CCDC6: variants seen among roughly 807,000 people sequenced by gnomAD.
The protein encoded by CCDC6 is coiled-coil domain-containing protein 6.
In CCDC6, 20 loss-of-function variants were observed where a neutral mutation model predicts 56.6. The observed-to-expected ratio is 0.35, with a 90% CI of 0.25 to 0.51. The LOEUF is 0.51. CCDC6 is among the 20% of genes least tolerant of loss of function. The pLI is 0.95. For missense variants in CCDC6, 367 were observed against 601.1 expected, an observed-to-expected ratio of 0.61 and a Z score of 4.07; for synonymous variants, 241 against 234.4, an observed-to-expected ratio of 1.03 and a Z score of -0.26.
intron 2 of CCDC6, among the ~76,000 whole-genome samples, chr10:59,843,357 A>G (rs185476274): frequency 6.6e-5 from 10 of 152,332 alleles, no homozygotes; most frequent in African/African-American, 2.4e-4. Flanking sequence ...CGTTTTTCTA[A>G]GAATTTGTCC....
At chr10:59,852,402 G>A (rs535736484) in intron 2 of CCDC6, 151 bp downstream of exon 2, 33 of 564,002 alleles carry the variant, frequency 5.9e-5, no homozygotes, top group East Asian at 4.9e-4. Flanking sequence ...CTATTACACC[G>A]CTGCCACCCT....
chr10:59,885,417 T>TC (rs754862171), intron 1 of CCDC6, among the ~76,000 whole-genome samples: 5 of 152,102 alleles, frequency 3.3e-5, no homozygotes, highest in Non-Finnish European at 7.4e-5. Flanking sequence ...ACTGGCATGG[T>TC]CCCCCGAATT....
chr10:59,811,116 T>C (rs185474171), intron 5 of CCDC6, among the ~76,000 whole-genome samples: 27 of 152,304 alleles, frequency 1.8e-4, no homozygotes, highest in Admixed American at 1.4e-3. Flanking sequence ...TTTAGCCTAG[T>C]GAGTCCCATC....
chr10:59,792,933 G>A lies in CCDC6; in HGVS notation c.1409C>T (p.Pro470Leu), dbSNP rs746260833. Residue 470 changes from proline to leucine, a missense_variant, in exon 9 of 9, where the codon CCC becomes CTC. By Grantham distance (98) the Pro-to-Leu change is moderately conservative. Around this residue, in one of 7 missense-constraint regions of CCDC6, gnomAD observed 54 missense variants for 60.0 expected, o/e 0.90. Transcript: ENST00000263102. ...QPTPSQHSAH[P>L]SSQP ...GCTCATGCATTAAGGCTGGGAGGAG[G>A]GGTGCGCCGAATGTTGCGAAGGAGT... 1.2e-6 allele frequency: 2 copies of A among 1,610,388 alleles called. No individual in the cohort carries two copies. Among genetic ancestry groups the A allele is most frequent in the South Asian group, 2.2e-5 (2 of 90,310 alleles).
rs761059914 is a variant in CCDC6 at position 59,906,131 on chromosome 10, G to A, written c.294C>T (p.Ser98=). 5 of 1,595,326 alleles carry A rather than the reference G, an allele frequency of 3.1e-6. No individual in the cohort carries two copies. Among genetic ancestry groups the A allele is most frequent in the African/African-American group, 1.4e-5 (1 of 73,868 alleles). The change falls in exon 1 of 9, where the codon AGC becomes AGT. Residue 98 remains serine (S), a synonymous_variant. Coordinates refer to ENST00000263102, the MANE Select transcript of CCDC6 (RefSeq NM_005436.5). The part of the protein sequence containing the change: ...QEENRDLRKA[S]VTIQARAEQE... The stretch of plus-strand genomic sequence containing the variant: ...CCCGGGGGGCACTCACGATGGTCAC[G>A]CTGGCTTTGCGCAGGTCGCGGTTCT...
Position 59,906,354 on chromosome 10 carries a change from T to G in CCDC6, c.71A>C (p.Gln24Pro), listed in dbSNP as rs753837531. Residue 24 changes from glutamine (Q) to proline (P), a missense_variant, in exon 1 of 9, where the codon CAG (glutamine) becomes CCG (proline). By Grantham distance (76) the Gln-to-Pro change is moderately conservative (BLOSUM62 -1). This residue lies in a region of CCDC6 where 79 missense variants were observed against 74.9 expected (regional missense o/e 1.05). Transcript: ENST00000263102. ...GGNSSSSAAM[Q>P]SSCSSTSGGG... Reference sequence around the variant, plus strand: ...GCCCGAGGTCGACGAGCAGGACGACTGCATGGCGGCCGAGCTGCTGCTGTT... The same window carrying G: ...GCCCGAGGTCGACGAGCAGGACGACGGCATGGCGGCCGAGCTGCTGCTGTT... The G allele has an allele frequency of 6.3e-7, 1 of 1,596,602 alleles. No homozygotes were observed. The highest frequency in any genetic ancestry group is 8.5e-7 in the Non-Finnish European group (1 of 1,178,344).
chr10:59,803,018 C>G (rs1554882306), intron 7 of CCDC6, among the ~76,000 whole-genome samples: 1 of 151,866 alleles, frequency 6.6e-6, no homozygotes, highest in Non-Finnish European at 1.5e-5. Context: ...AATCAGAAGG[C>G]AAAAAAGACC....
At chr10:59,806,845 G>A in intron 6 of CCDC6, 77 bp downstream of exon 6, 1 of 1,419,588 alleles carries the variant, frequency 7.0e-7, no homozygotes, top group South Asian at 1.3e-5. Flanking sequence ...ACACCTAACA[G>A]GATACCAAAG....
chr10:59,841,015 T>G (rs925184359), intron 2 of CCDC6, among the ~76,000 whole-genome samples: 3 of 152,194 alleles, frequency 2.0e-5, no homozygotes, highest in African/African-American at 7.2e-5. Flanking sequence ...TTTGCTACTC[T>G]GCTCAAAACC....
chr10:59,875,274 T>C (rs2071268712), intron 1 of CCDC6, among the ~76,000 whole-genome samples: 1 of 152,186 alleles, frequency 6.6e-6, no homozygotes, highest in Admixed American at 6.5e-5. Flanking sequence ...GAACCTGTTT[T>C]CCAAATTTTG....
At chr10:59,875,675 G>C (rs1219971295) in intron 1 of CCDC6, among the ~76,000 whole-genome samples, 1 of 152,176 alleles carries the variant, frequency 6.6e-6, no homozygotes, top group Non-Finnish European at 1.5e-5. Context: ...TGAGTTAGTG[G>C]TCTGCGCCGA....
chr10:59,821,325 T>C (rs1434661453), intron 3 of CCDC6, among the ~76,000 whole-genome samples: 4 of 152,288 alleles, frequency 2.6e-5, no homozygotes, highest in African/African-American at 9.6e-5. Flanking sequence ...TGACAAAGCC[T>C]TCACAAAGTA....
chr10:59,875,268 C>T (rs1325685638), intron 1 of CCDC6, among the ~76,000 whole-genome samples: 1 of 152,114 alleles, frequency 6.6e-6, no homozygotes, highest in African/African-American at 2.4e-5. Context: ...TATAATGAAC[C>T]TGTTTTCCAA....
At chr10:59,881,595 G>C (rs1307808731) in intron 1 of CCDC6, among the ~76,000 whole-genome samples, 1 of 152,192 alleles carries the variant, frequency 6.6e-6, no homozygotes, top group East Asian at 1.9e-4. Context: ...TTTAAAGGGA[G>C]AGGAGGCATG....
At chr10:59,825,895 T>C (rs979864936) in intron 3 of CCDC6, among the ~76,000 whole-genome samples, 1 of 152,232 alleles carries the variant, frequency 6.6e-6, no homozygotes, top group Non-Finnish European at 1.5e-5. Flanking sequence ...ACAATGAATT[T>C]AAAAAATTTT....
chr10:59,814,161 A>G (rs567758111), intron 4 of CCDC6, among the ~76,000 whole-genome samples: 3 of 152,234 alleles, frequency 2.0e-5, no homozygotes, highest in Non-Finnish European at 4.4e-5. Context: ...TACATTTTAT[A>G]TAAAGAATCC....
At chr10:59,835,866 T>G (rs765055301) in intron 2 of CCDC6, among the ~76,000 whole-genome samples, 1 of 151,958 alleles carries the variant, frequency 6.6e-6, no homozygotes, top group Non-Finnish European at 1.5e-5. Flanking sequence ...GCGACCAGCC[T>G]AGGCAACAGA....
intron 1 of CCDC6, among the ~76,000 whole-genome samples, chr10:59,853,887 A>G (rs987797667): frequency 6.6e-6 from 1 of 152,204 alleles, no homozygotes; most frequent in Non-Finnish European, 1.5e-5. Context: ...GTTTTAATAG[A>G]TTAGGCTTAT....
rs113790742 is a variant in CCDC6 at position 59,799,584 on chromosome 10, C to G, written c.1105+4836G>C. Among the ~76,000 whole-genome samples the G allele has an allele frequency of 7.4e-3, 1,124 of 152,282 alleles. 17 individuals carry two copies. The highest frequency in any genetic ancestry group is 0.025 in the African/African-American group (1,059 of 41,544). The stretch of plus-strand genomic sequence containing the variant: ...ATCAGAATCTCCAGGGAGCTGAACC[C>G]CAGGGCAGCTGTGAAGAGAACTGCA... On this transcript the variant is annotated intron_variant, in intron 7 of 8. Transcript: ENST00000263102.
Sources: allele counts gnomAD v4.1 joint callset (sites outside exome capture counted in the v4.1 genomes callset), GRCh38; gene constraint gnomAD v4.1.1; regional missense constraint gnomAD v4.1.1; transcripts MANE v1.5; gene names NCBI Gene and HGNC (gene_info 2026-07-23, HGNC 2026-07-21).